ITPK1: variants seen among roughly 807,000 people sequenced by gnomAD.
The protein encoded by ITPK1 is inositol 1,3,4-trisphosphate 5/6-kinase.
Under a neutral mutation model 45.3 loss-of-function variants are expected in ITPK1, and 21 were observed. The observed-to-expected ratio is 0.46, with a 90% confidence interval of 0.33 to 0.67. The LOEUF (loss-of-function observed/expected upper bound fraction) is 0.67, where lower values mean the gene tolerates loss of function less well. Ranked by LOEUF, ITPK1 falls within the 30% of genes least tolerant of loss-of-function variation. The pLI is 0.02. For missense variants in ITPK1, 474 were observed against 573.5 expected (o/e 0.83, Z 1.77); for synonymous variants, 258 against 253.6 (o/e 1.02, Z -0.16).
chr14:93,007,049 G>C (rs779808681), intron 4 of ITPK1, among the ~76,000 whole-genome samples: 3 of 152,172 alleles, frequency 2.0e-5, no homozygotes, highest in Admixed American at 2.0e-4. Context: ...AGGGACAGCT[G>C]GGATTTCCAC....
At chr14:93,022,967 G>C (rs940266190) in intron 3 of ITPK1, among the ~76,000 whole-genome samples, 1 of 152,226 alleles carries the variant, frequency 6.6e-6, no homozygotes, top group African/African-American at 2.4e-5. Context: ...CTGTGGAAAA[G>C]GCTGATAAGA....
At position 92,940,813 on chromosome 14, in the gene ITPK1, C is replaced by T. The variant is rs1366905129; in HGVS notation, c.*748G>A. The T allele has an allele frequency of 1.6e-6, 2 of 1,286,524 alleles. No homozygotes were observed. The highest frequency in any genetic ancestry group is 1.1e-4 in the East Asian group (2 of 18,002). 79.7% of individuals were successfully genotyped at this position (1,286,524 alleles called of 1,614,324 possible). A position where few individuals can be genotyped will look rare whatever the true frequency, so the allele number is the denominator to read the frequency against. On this transcript the variant is annotated 3_prime_UTR_variant, in exon 11 of 11. Transcript: ENST00000267615. ...TCGGCTCGGGCCTCCAGCCAGGCAG[C>T]CTCCTTCCCGGGCTCCAGGGAGCAG...
intron 3 of ITPK1, among the ~76,000 whole-genome samples, chr14:93,031,784 A>C (rs1889074907): frequency 6.6e-6 from 1 of 152,224 alleles, no homozygotes; most frequent in Admixed American, 6.5e-5. Flanking sequence ...TGCTGACAAT[A>C]AAAAACATAT....
Position 93,016,939 on chromosome 14 carries a change from A to T in ITPK1, c.121-138T>A, listed in dbSNP as rs1888213879. 3 of 1,119,782 alleles carry T rather than the reference A, an allele frequency of 2.7e-6. No homozygotes were observed. Among genetic ancestry groups the T allele is most frequent in the Non-Finnish European group, 3.8e-6 (3 of 793,786 alleles). 69.4% of individuals were successfully genotyped at this position (1,119,782 alleles called of 1,614,324 possible). ...AGCACTCTGGAGATGGGGCAGGAGG[A>T]GGGCTGACATGGAAAATACAGACAG... is the stretch of plus-strand genomic sequence containing the variant. On this transcript the variant is annotated intron_variant, in intron 3 of 10. Coordinates refer to ENST00000267615, the MANE Select transcript of ITPK1 (RefSeq NM_014216.6). This position sits in a 1 kb window ranked among gnomAD's most constrained non-coding sequence, Gnocchi z 5.0.
chr14:92,996,465 G>A (rs1887064111), intron 4 of ITPK1, among the ~76,000 whole-genome samples: 1 of 151,716 alleles, frequency 6.6e-6, no homozygotes. Context: ...ATAGCACTGG[G>A]AGATATACCT....
At chr14:93,058,435 CA>C (rs1375430041) in intron 3 of ITPK1, among the ~76,000 whole-genome samples, 2 of 39,970 alleles carry the variant, frequency 5.0e-5, no homozygotes, top group East Asian at 7.7e-4. Flanking sequence ...GGTCACGAGG[CA>C]GGGGTTGAGG....
intron 9 of ITPK1, among the ~76,000 whole-genome samples, chr14:92,949,279 G>C (rs1270641847): frequency 2.0e-5 from 3 of 152,060 alleles, no homozygotes; most frequent in Admixed American, 6.6e-5. Flanking sequence ...TTTTGTTTTG[G>C]TAGGGATTAA....
At chr14:92,971,703 G>A (rs573405828) in intron 5 of ITPK1, among the ~76,000 whole-genome samples, 1 of 152,180 alleles carries the variant, frequency 6.6e-6, no homozygotes, top group African/African-American at 2.4e-5. Flanking sequence ...GCAAAAGGAG[G>A]GCCAGCCCAG....
chr14:93,012,448 G>A lies in ITPK1; in HGVS notation c.246+4228C>T, dbSNP rs1462022702. On this transcript the variant is annotated intron_variant, in intron 4 of 10. Coordinates refer to ENST00000267615, the MANE Select transcript of ITPK1 (RefSeq NM_014216.6). The surrounding 1 kb of genome is among the most constrained non-coding windows in gnomAD (Gnocchi z 4.9). ...CTGGGCAGCTGCTGAGGGGGCCAGGGAAGGAGCGGGTGGGGCAGATCACCG... is the reference window on the plus strand; with the variant it reads ...CTGGGCAGCTGCTGAGGGGGCCAGGAAAGGAGCGGGTGGGGCAGATCACCG... Among the ~76,000 whole-genome samples the A allele has an allele frequency of 2.0e-5, 3 of 152,230 alleles. No homozygotes were observed. The highest frequency in any genetic ancestry group is 4.4e-5 in the Non-Finnish European group (3 of 68,038).
chr14:93,103,718 G>A (rs1372466418), intron 2 of ITPK1, among the ~76,000 whole-genome samples: 2 of 152,190 alleles, frequency 1.3e-5, no homozygotes, highest in Admixed American at 6.5e-5. Flanking sequence ...CATTCCAGGG[G>A]AGGGGGAGGC....
chr14:93,076,421 G>C lies in ITPK1; in HGVS notation c.120+174C>G, dbSNP rs1891220048. Among the ~76,000 whole-genome samples, 3 of 152,068 alleles carry C rather than the reference G, an allele frequency of 2.0e-5. No individual in the cohort carries two copies. Among genetic ancestry groups the C allele is most frequent in the Admixed American group, 1.3e-4 (2 of 15,270 alleles). On this transcript the variant is annotated intron_variant, in intron 3 of 10. Coordinates refer to ENST00000267615, the MANE Select transcript of ITPK1 (RefSeq NM_014216.6). The surrounding 1 kb of genome is among the most constrained non-coding windows in gnomAD (Gnocchi z 4.3). ...CCAAACCCGAGAAGCCCCTGTCGGA[G>C]TCTGCCCAGGCCAGGGCAGAAACCA...
chr14:93,035,675 A>G (rs1482756043), intron 3 of ITPK1, among the ~76,000 whole-genome samples: 1 of 152,236 alleles, frequency 6.6e-6, no homozygotes, highest in Admixed American at 6.5e-5. Flanking sequence ...GTGGTCTACC[A>G]GGCACTGCAT....
intron 3 of ITPK1, among the ~76,000 whole-genome samples, chr14:93,050,995 G>A (rs539704431): frequency 7.2e-5 from 11 of 152,266 alleles, no homozygotes; most frequent in African/African-American, 2.4e-4. Context: ...CTTAAGGACC[G>A]GGATGTGGCA....
At chr14:93,108,922 A>C (rs1399008668) in intron 2 of ITPK1, among the ~76,000 whole-genome samples, 1 of 152,240 alleles carries the variant, frequency 6.6e-6, no homozygotes, top group African/African-American at 2.4e-5. Flanking sequence ...CTAAGACAGG[A>C]GAATCACTTG....
Position 92,958,050 on chromosome 14 carries a change from C to T in ITPK1, c.670+151G>A, listed in dbSNP as rs1595086210. On this transcript the variant is annotated intron_variant, in intron 8 of 10. Coordinates refer to ENST00000267615, the MANE Select transcript of ITPK1 (RefSeq NM_014216.6). This position sits in a 1 kb window ranked among gnomAD's most constrained non-coding sequence, Gnocchi z 4.4. ...AGTTCCCCAAGACCTCTTTATCCAC[C>T]GTACACAACTGTTTCCACCTTTAGA... 5 of 738,240 alleles carry T rather than the reference C, an allele frequency of 6.8e-6. No individual in the cohort carries two copies. Among genetic ancestry groups the T allele is most frequent in the South Asian group, 3.5e-5 (2 of 57,072 alleles). 45.7% of individuals were successfully genotyped at this position (738,240 alleles called of 1,614,324 possible).
At position 93,052,737 on chromosome 14, in the gene ITPK1, C is replaced by A. The variant is rs560102820; in HGVS notation, c.120+23858G>T. On this transcript the variant is annotated intron_variant, in intron 3 of 10. Transcript: ENST00000267615. ...CCTCCAAACCCAGGTCCCCAAGGGG[C>A]TGGTGGTACAGGAAACAGCCCTACA... Among the ~76,000 whole-genome samples the A allele has an allele frequency of 6.6e-5, 10 of 152,306 alleles. No individual in the cohort carries two copies. In the South Asian group the frequency reaches 2.1e-3, roughly 32 times the overall value.
At position 93,109,321 on chromosome 14, in the gene ITPK1, C is replaced by T. The variant is rs772512823; in HGVS notation, c.95+5748G>A. Among the ~76,000 whole-genome samples, 11 of 152,234 alleles carry T rather than the reference C, an allele frequency of 7.2e-5. No individual in the cohort carries two copies. In the East Asian group the frequency reaches 7.7e-4, roughly 11 times the overall value. ...AGTAATACATATGGAGAGACCTACACGTGCACGCGCCCCTGAGTGTGCATA... is the reference window on the plus strand; with the variant it reads ...AGTAATACATATGGAGAGACCTACATGTGCACGCGCCCCTGAGTGTGCATA... On this transcript the variant is annotated intron_variant, in intron 2 of 10. Transcript: ENST00000267615.
At chr14:92,960,285 C>G (rs532774836) in intron 7 of ITPK1, among the ~76,000 whole-genome samples, 3 of 152,160 alleles carry the variant, frequency 2.0e-5, no homozygotes, top group Non-Finnish European at 4.4e-5. Context: ...TACTTGAGGG[C>G]TGAGAGTCCC....
Position 92,941,043 on chromosome 14 carries a change from T to C in ITPK1, c.*518A>G. On this transcript the variant is annotated 3_prime_UTR_variant, in exon 11 of 11. Coordinates refer to ENST00000267615, the MANE Select transcript of ITPK1 (RefSeq NM_014216.6). ...GCTGCACACCAGGCAGGGTGGGGGC[T>C]AACAAAGCCTTGGTGGAGACCAGTA... 1 of 1,228,558 alleles carries C rather than the reference T, an allele frequency of 8.1e-7. No homozygotes were observed. Among genetic ancestry groups the C allele is most frequent in the Non-Finnish European group, 1.0e-6 (1 of 960,094 alleles). The allele number at this position is 1,228,558 out of a possible 1,614,324, so 76.1% of individuals were successfully genotyped here.
Sources: allele counts gnomAD v4.1 joint callset (sites outside exome capture counted in the v4.1 genomes callset), GRCh38; gene constraint gnomAD v4.1.1; non-coding constraint Gnocchi (gnomAD v3.1); transcripts MANE v1.5; gene names NCBI Gene and HGNC (gene_info 2026-07-23, HGNC 2026-07-21).